The following HMX3 variants were observed in gnomAD, a reference collection of about 807,000 sequenced individuals.
The protein encoded by HMX3 is H6 family homeobox 3.
HMX3 carries 8 observed loss-of-function variants against 22.8 expected under a neutral mutation model. The observed-to-expected ratio is 0.35, with a 90% CI of 0.21 to 0.63. HMX3 has a LOEUF of 0.63. Ranked by LOEUF, HMX3 falls within the 30% of genes least tolerant of loss-of-function variation. HMX3 has a pLI of 0.72. For missense variants in HMX3, 527 were observed against 520.6 expected (o/e 1.01, Z -0.12); for synonymous variants, 331 against 250.9 (o/e 1.32, Z -3.02).
Position 123,137,742 on chromosome 10 carries a change from G to T in HMX3, c.*11G>T. The T allele has an allele frequency of 7.0e-7, 1 of 1,419,118 alleles. No homozygotes were observed. The allele number at this position is 1,419,118 out of a possible 1,614,324, so 87.9% of individuals were successfully genotyped here. ...CTACGGCCGGTCTGAGGCCCCAGAG[G>T]GGTGGGGGAGGGAGCGCCCGGCCTC... On this transcript the variant is annotated 3_prime_UTR_variant, in exon 2 of 2. Coordinates refer to ENST00000357878, the MANE Select transcript of HMX3 (RefSeq NM_001105574.2). The surrounding 1 kb of genome is among the most constrained non-coding windows in gnomAD (Gnocchi z 5.8).
At position 123,139,391 on chromosome 10, in the gene HMX3, A is replaced by G. The variant is rs1039163024; in HGVS notation, c.*1660A>G. Among the ~76,000 whole-genome samples, 1 of 152,060 alleles carries G rather than the reference A, an allele frequency of 6.6e-6. No individual in the cohort carries two copies. The highest frequency in any genetic ancestry group is 2.4e-5 in the African/African-American group (1 of 41,398). On this transcript the variant is annotated 3_prime_UTR_variant, in exon 2 of 2. Transcript: ENST00000357878. ...ATTGTTACACTAATGTTGTCGTGAC[A>G]TTGAATTAATTAAAAAGAAAAGAAA...
Position 123,136,455 on chromosome 10 carries a change from C to T in HMX3, c.400+5C>T. 1 of 1,413,466 alleles carries T rather than the reference C, an allele frequency of 7.1e-7. No homozygotes were observed. Among genetic ancestry groups the T allele is most frequent in the South Asian group, 1.6e-5 (1 of 61,264 alleles). The allele number at this position is 1,413,466 out of a possible 1,614,324, so 87.6% of individuals were successfully genotyped here. ...GCCACCTCCCGCGACCTGAAGGTAC[C>T]GACCTCTCTTTGAACTTTCGTTGTC... On this transcript the variant is annotated splice_donor_5th_base_variant and intron_variant, in intron 1 of 1. Transcript: ENST00000357878. This position sits in a 1 kb window ranked among gnomAD's most constrained non-coding sequence, Gnocchi z 4.8.
rs1844078283 is a variant in HMX3 at position 123,136,592 on chromosome 10, C to G, written c.400+142C>G. 2 of 601,526 alleles carry G rather than the reference C, an allele frequency of 3.3e-6. No homozygotes were observed. The highest frequency in any genetic ancestry group is 4.1e-5 in the Admixed American group (1 of 24,296). The allele number at this position is 601,526 out of a possible 1,614,324, so 37.3% of individuals were successfully genotyped here. On this transcript the variant is annotated intron_variant, in intron 1 of 1. Transcript: ENST00000357878. The surrounding 1 kb of genome is among the most constrained non-coding windows in gnomAD (Gnocchi z 4.8). ...AGTTTTTTTCGGCCCCTAGCCTGCC[C>G]TCGCGCTGGGTTGCGCTGCCCGTTA...
Position 123,136,535 on chromosome 10 carries a change from GACCCCAGCACCCGCAA to G in HMX3, c.400+90_400+105del. 8.9e-7 allele frequency: 1 copy of G among 1,125,320 alleles called. No individual in the cohort carries two copies. Among genetic ancestry groups the G allele is most frequent in the Non-Finnish European group, 1.2e-6 (1 of 862,236 alleles). 69.7% of individuals were successfully genotyped at this position (1,125,320 alleles called of 1,614,324 possible). A position where few individuals can be genotyped will look rare whatever the true frequency, so the allele number is the denominator to read the frequency against. ...GCGCTGCTTCCCTCCGCAGTTCTGG[GACCCCAGCACCCGCAA>G]ACCCTCTGCTCGGTCAGTTTTTTTC... On this transcript the variant is annotated intron_variant, in intron 1 of 1. Transcript: ENST00000357878. The surrounding 1 kb of genome is among the most constrained non-coding windows in gnomAD (Gnocchi z 4.8).
rs1158190268 is a variant in HMX3 at position 123,136,567 on chromosome 10, A to G, written c.400+117A>G. The G allele has an allele frequency of 2.4e-6, 2 of 839,684 alleles. No individual in the cohort carries two copies. The highest frequency in any genetic ancestry group is 3.3e-6 in the Non-Finnish European group (2 of 614,232). 52.0% of individuals were successfully genotyped at this position (839,684 alleles called of 1,614,324 possible). ...GCACCCGCAAACCCTCTGCTCGGTC[A>G]GTTTTTTTCGGCCCCTAGCCTGCCC... On this transcript the variant is annotated intron_variant, in intron 1 of 1. Transcript: ENST00000357878. The surrounding 1 kb of genome is among the most constrained non-coding windows in gnomAD (Gnocchi z 4.8).
At position 123,139,036 on chromosome 10, in the gene HMX3, T is replaced by A. The variant is rs1844111003; in HGVS notation, c.*1305T>A. Among the ~76,000 whole-genome samples, 1 of 152,142 alleles carries A rather than the reference T, an allele frequency of 6.6e-6. No homozygotes were observed. Among genetic ancestry groups the A allele is most frequent in the African/African-American group, 2.4e-5 (1 of 41,426 alleles). On this transcript the variant is annotated 3_prime_UTR_variant, in exon 2 of 2. Transcript: ENST00000357878. ...CCTTTTCACTGTATAATCATGGTCATTCATTTAGAAAGAAAAAAGTAGGCA... is the reference window on the plus strand; with the variant it reads ...CCTTTTCACTGTATAATCATGGTCAATCATTTAGAAAGAAAAAAGTAGGCA...
In HMX3 at chr10:123,137,125, A is replaced by G. The variant is rs770983790; in HGVS notation, c.468A>G (p.Pro156=). The change falls in exon 2 of 2, where the codon CCA becomes CCG. Residue 156 remains proline (P), a synonymous_variant. Transcript: ENST00000357878. The surrounding 1 kb of genome is among the most constrained non-coding windows in gnomAD (Gnocchi z 5.8). ...ASGTDRDSPE[P]LLKADPDHKE... Reference sequence around the variant, plus strand: ...GCACAGACCGCGACTCTCCGGAGCCACTGCTCAAGGCCGACCCCGATCACA... The same window carrying G: ...GCACAGACCGCGACTCTCCGGAGCCGCTGCTCAAGGCCGACCCCGATCACA... The G allele has an allele frequency of 6.2e-6, 10 of 1,610,386 alleles. No individual in the cohort carries two copies. Among genetic ancestry groups the G allele is most frequent in the Non-Finnish European group, 6.8e-6 (8 of 1,178,720 alleles).
In HMX3 at chr10:123,136,493, C is replaced by A; in HGVS notation, c.400+43C>A. ...AACTTTCGTTGTCCCCCTGCGCGCC[C>A]GCCCCGTCCCCGCCCCGCGCTGCTT... On this transcript the variant is annotated intron_variant, in intron 1 of 1. Transcript: ENST00000357878. The surrounding 1 kb of genome is among the most constrained non-coding windows in gnomAD (Gnocchi z 4.8). 3 of 1,305,850 alleles carry A rather than the reference C, an allele frequency of 2.3e-6. No homozygotes were observed. Among genetic ancestry groups the A allele is most frequent in the African/African-American group, 1.5e-5 (1 of 65,348 alleles). 80.9% of individuals were successfully genotyped at this position (1,305,850 alleles called of 1,614,324 possible).
Position 123,137,823 on chromosome 10 carries a change from G to T in HMX3, c.*92G>T. The T allele has an allele frequency of 1.0e-5, 10 of 988,934 alleles. No individual in the cohort carries two copies. In the South Asian group the frequency reaches 2.1e-4, roughly 20 times the overall value. The allele number at this position is 988,934 out of a possible 1,614,324, so 61.3% of individuals were successfully genotyped here. On this transcript the variant is annotated 3_prime_UTR_variant, in exon 2 of 2. Coordinates refer to ENST00000357878, the MANE Select transcript of HMX3 (RefSeq NM_001105574.2). The surrounding 1 kb of genome is among the most constrained non-coding windows in gnomAD (Gnocchi z 5.8). ...GGCCGAGGGCGCCGAGAAGTCCAGC[G>T]GCCTTCAGGAACTGGGGCTTGGGCG...
rs980842789 is a variant in HMX3, at chr10:123,138,069, C to T, written c.*338C>T. Among the ~76,000 whole-genome samples, 1 of 151,894 alleles carries T rather than the reference C, an allele frequency of 6.6e-6. No individual in the cohort carries two copies. The highest frequency in any genetic ancestry group is 2.4e-5 in the African/African-American group (1 of 41,354). ...AGCCCTCCCTTCCAAATTTCCATTGCGCGGTGGCTTTTTGGTTTTATTTTT... is the reference window on the plus strand; with the variant it reads ...AGCCCTCCCTTCCAAATTTCCATTGTGCGGTGGCTTTTTGGTTTTATTTTT... On this transcript the variant is annotated 3_prime_UTR_variant, in exon 2 of 2. Transcript: ENST00000357878.
In HMX3 at chr10:123,137,755, A is replaced by G. The variant is rs976976073; in HGVS notation, c.*24A>G. 19 of 1,405,258 alleles carry G rather than the reference A, an allele frequency of 1.4e-5. No individual in the cohort carries two copies. The African/African-American group carries it at 2.9e-4, about 21-fold the overall frequency. The allele number at this position is 1,405,258 out of a possible 1,614,324, so 87.0% of individuals were successfully genotyped here. On this transcript the variant is annotated 3_prime_UTR_variant, in exon 2 of 2. Transcript: ENST00000357878. This position sits in a 1 kb window ranked among gnomAD's most constrained non-coding sequence, Gnocchi z 5.8. ...GAGGCCCCAGAGGGGTGGGGGAGGG[A>G]GCGCCCGGCCTCCTTGTCCGGACCC...
At position 123,138,942 on chromosome 10, in the gene HMX3, C is replaced by T. The variant is rs528574181; in HGVS notation, c.*1211C>T. ...TTCATGTTCTGCAGTAATTATTGTA[C>T]GTTGACCTGTGCAATATTGTACAAA... On this transcript the variant is annotated 3_prime_UTR_variant, in exon 2 of 2. Transcript: ENST00000357878. Among the ~76,000 whole-genome samples, 2 of 152,160 alleles carry T rather than the reference C, an allele frequency of 1.3e-5. No homozygotes were observed. The highest frequency in any genetic ancestry group is 2.1e-4 in the South Asian group (1 of 4,814).
chr10:123,137,707 C>G lies in HMX3; in HGVS notation c.1050C>G (p.Ser350=). Residue 350 remains serine (S), a synonymous_variant, in exon 2 of 2, where the codon TCC becomes TCG. Coordinates refer to ENST00000357878, the MANE Select transcript of HMX3 (RefSeq NM_001105574.2). The surrounding 1 kb of genome is among the most constrained non-coding windows in gnomAD (Gnocchi z 5.8). The part of the protein sequence containing the change: ...PVYYSHPVVS[S]VPLLRPV The stretch of plus-strand genomic sequence containing the variant: ...ACTACTCGCACCCGGTGGTCTCTTC[C>G]GTGCCGCTGCTACGGCCGGTCTGAG... 6.9e-7 allele frequency: 1 copy of G among 1,450,976 alleles called. No individual in the cohort carries two copies. The allele number at this position is 1,450,976 out of a possible 1,614,324, so 89.9% of individuals were successfully genotyped here.
rs1165026710 is a variant in HMX3, at chr10:123,138,252, T to C, written c.*521T>C. Among the ~76,000 whole-genome samples the C allele has an allele frequency of 1.3e-5, 2 of 150,020 alleles. No homozygotes were observed. The highest frequency in any genetic ancestry group is 1.3e-4 in the Admixed American group (2 of 14,872). ...TCGACCTCCGCCTCCCGGGTTCAAG[T>C]GATTCTCCTGTCTCAGCCTCCCGAG... On this transcript the variant is annotated 3_prime_UTR_variant, in exon 2 of 2. Coordinates refer to ENST00000357878, the MANE Select transcript of HMX3 (RefSeq NM_001105574.2).
Position 123,136,202 on chromosome 10 carries a change from C to T in HMX3, c.152C>T (p.Pro51Leu). Reference sequence around the variant, plus strand: ...CGGCCGCCCCCTAAGCCTCAGCCGCCCCCACGGACGCTCTTCGCGCCAGCC... The same window carrying T: ...CGGCCGCCCCCTAAGCCTCAGCCGCTCCCACGGACGCTCTTCGCGCCAGCC... ...HHRPPPKPQPPPRTLFAPASA... is the reference protein window; with the variant it reads ...HHRPPPKPQPLPRTLFAPASA... Residue 51 changes from proline (P) to leucine (L), a missense_variant, in exon 1 of 2, where the codon CCC (proline) becomes CTC (leucine). Physicochemically the swap from Pro to Leu is moderately conservative, Grantham distance 98. Transcript: ENST00000357878. The surrounding 1 kb of genome is among the most constrained non-coding windows in gnomAD (Gnocchi z 4.8). The T allele has an allele frequency of 7.2e-7, 1 of 1,390,292 alleles. No individual in the cohort carries two copies. Among genetic ancestry groups the T allele is most frequent in the Non-Finnish European group, 9.3e-7 (1 of 1,072,694 alleles). The allele number at this position is 1,390,292 out of a possible 1,614,324, so 86.1% of individuals were successfully genotyped here.
In HMX3 at chr10:123,137,498, A is replaced by G; in HGVS notation, c.841A>G (p.Lys281Glu). The change falls in exon 2 of 2, where the codon AAG becomes GAG. Residue 281 changes from lysine (K) to glutamate (E), a missense_variant. Transcript: ENST00000357878. The surrounding 1 kb of genome is among the most constrained non-coding windows in gnomAD (Gnocchi z 5.8). ...VKIWFQNRRN[K>E]WKRQLAAELE... Reference sequence around the variant, plus strand: ...GATCTGGTTCCAGAACCGCCGCAACAAGTGGAAGCGGCAGCTGGCGGCGGA... The same window carrying G: ...GATCTGGTTCCAGAACCGCCGCAACGAGTGGAAGCGGCAGCTGGCGGCGGA... 6.2e-7 allele frequency: 1 copy of G among 1,613,228 alleles called. No individual in the cohort carries two copies. The highest frequency in any genetic ancestry group is 8.5e-7 in the Non-Finnish European group (1 of 1,179,880).
rs1170755298 is a variant in HMX3, at chr10:123,139,216, T to TC, written c.*1487dup. On this transcript the variant is annotated 3_prime_UTR_variant, in exon 2 of 2. Coordinates refer to ENST00000357878, the MANE Select transcript of HMX3 (RefSeq NM_001105574.2). ...ATTTCTTGTAAAGTTCACCCTCTAC[T>TC]CCGCAGGGCTCCTGGCTCTGTCACC... Among the ~76,000 whole-genome samples the TC allele has an allele frequency of 6.6e-6, 1 of 152,172 alleles. No homozygotes were observed. The highest frequency in any genetic ancestry group is 1.5e-5 in the Non-Finnish European group (1 of 68,036).
chr10:123,137,734 C>A lies in HMX3; in HGVS notation c.*3C>A. 3 of 1,429,674 alleles carry A rather than the reference C, an allele frequency of 2.1e-6. No homozygotes were observed. Among genetic ancestry groups the A allele is most frequent in the Non-Finnish European group, 2.7e-6 (3 of 1,098,240 alleles). 88.6% of individuals were successfully genotyped at this position (1,429,674 alleles called of 1,614,324 possible). A position where few individuals can be genotyped will look rare whatever the true frequency, so the allele number is the denominator to read the frequency against. On this transcript the variant is annotated 3_prime_UTR_variant, in exon 2 of 2. Transcript: ENST00000357878. The surrounding 1 kb of genome is among the most constrained non-coding windows in gnomAD (Gnocchi z 5.8). ...TGCCGCTGCTACGGCCGGTCTGAGG[C>A]CCCAGAGGGGTGGGGGAGGGAGCGC...
rs1445011264 is a variant in HMX3 at position 123,139,423 on chromosome 10, A to C, written c.*1692A>C. On this transcript the variant is annotated 3_prime_UTR_variant, in exon 2 of 2. Transcript: ENST00000357878. The stretch of plus-strand genomic sequence containing the variant: ...TAATTAAAAAGAAAAGAAAAGCTTT[A>C]CGTGTTGCCAGAGTGTGTAAGTTTG... Among the ~76,000 whole-genome samples, 1 of 152,154 alleles carries C rather than the reference A, an allele frequency of 6.6e-6. No individual in the cohort carries two copies. The highest frequency in any genetic ancestry group is 2.4e-5 in the African/African-American group (1 of 41,426).
Sources: allele counts gnomAD v4.1 joint callset (sites outside exome capture counted in the v4.1 genomes callset), GRCh38; gene constraint gnomAD v4.1.1; non-coding constraint Gnocchi (gnomAD v3.1); transcripts MANE v1.5; gene names NCBI Gene and HGNC (gene_info 2026-07-23, HGNC 2026-07-21).